Variants in POLR1E observed in about 807,000 individuals in gnomAD.
The protein encoded by POLR1E is RNA polymerase I subunit E.
In POLR1E, 37 loss-of-function variants were observed where a neutral mutation model predicts 50.9. That is an observed-to-expected ratio of 0.73 (90% CI 0.56 to 0.96). The LOEUF (loss-of-function observed/expected upper bound fraction) is 0.96, where lower values mean the gene tolerates loss of function less well. POLR1E is among the 40% of genes least tolerant of loss of function. The pLI, the probability that POLR1E is intolerant of heterozygous loss-of-function variation, is 0.00. For missense variants in POLR1E, 426 were observed against 518.1 expected (o/e 0.82, Z 1.73); for synonymous variants, 166 against 191.6 (o/e 0.87, Z 1.10).
In POLR1E at chr9:37,503,043, G is replaced by A; in HGVS notation, c.1101G>A (p.Arg367=). The change falls in exon 12 of 12, where the codon AGG becomes AGA. Residue 367 remains arginine, a splice_region_variant and synonymous_variant. Coordinates refer to ENST00000377798, the MANE Select transcript of POLR1E (RefSeq NM_022490.4). ...LQRDLKLSEK[R]MMEIAKAMRL... ...GTTCTTCTGTTTATGTCTTCCTTAG[G>A]ATGATGGAGATAGCCAAAGCCATGA... 5 of 1,610,820 alleles carry A rather than the reference G, an allele frequency of 3.1e-6. No homozygotes were observed. The highest frequency in any genetic ancestry group is 2.5e-6 in the Non-Finnish European group (3 of 1,178,500).
intron 11 of POLR1E, among the ~76,000 whole-genome samples, chr9:37,502,337 G>T (rs947319985): frequency 1.3e-5 from 2 of 152,202 alleles, no homozygotes; most frequent in African/African-American, 4.8e-5. Flanking sequence ...CAGATGGAAG[G>T]GTTTGCCAGG....
At position 37,489,462 on chromosome 9, in the gene POLR1E, G is replaced by A; in HGVS notation, c.343+62G>A. On this transcript the variant is annotated intron_variant, in intron 4 of 11. Coordinates refer to ENST00000377798, the MANE Select transcript of POLR1E (RefSeq NM_022490.4). ...ATAGTTTGGGTTTGCTGGATGAGTT[G>A]GCTTGAGTTTTAGATTTATAAAACA... The A allele has an allele frequency of 2.6e-6, 3 of 1,146,620 alleles. No individual in the cohort carries two copies. In the South Asian group the frequency reaches 4.6e-5, roughly 18 times the overall value. 71.0% of individuals were successfully genotyped at this position (1,146,620 alleles called of 1,614,324 possible).
intron 7 of POLR1E, 66 bp downstream of exon 7, chr9:37,495,342 T>A: frequency 7.7e-6 from 10 of 1,294,646 alleles, no homozygotes; most frequent in Non-Finnish European, 1.1e-5. Flanking sequence ...GTGTGTGCAG[T>A]CAGGTTCTCT....
chr9:37,486,410 C>T, intron 1 of POLR1E: 1 of 1,521,528 alleles, frequency 6.6e-7, no homozygotes, highest in South Asian at 1.3e-5. Flanking sequence ...CCTCTCTTCA[C>T]TGGGCAGGGG....
intron 6 of POLR1E, 103 bp from the exon 7 acceptor site, chr9:37,495,065 TG>T: frequency 1.1e-6 from 1 of 944,580 alleles, no homozygotes; most frequent in Non-Finnish European, 1.7e-6. Flanking sequence ...CATTTAGACT[TG>T]GGGTTTCTGG....
intron 8 of POLR1E, 56 bp from the exon 9 acceptor site, chr9:37,498,035 C>G: frequency 6.3e-7 from 1 of 1,578,244 alleles, no homozygotes; most frequent in Non-Finnish European, 8.6e-7. Flanking sequence ...GGAAGTAGTT[C>G]CTGACAGAGC....
At chr9:37,486,145 C>G (rs1167844081) in intron 1 of POLR1E, 22 bp downstream of exon 1, 1 of 1,576,100 alleles carries the variant, frequency 6.3e-7, no homozygotes, top group Admixed American at 1.9e-5. Context: ...GGAGCTGGAG[C>G]AGTGCTCCTC....
chr9:37,487,921 A>G lies in POLR1E; in HGVS notation c.239A>G (p.Lys80Arg). The G allele has an allele frequency of 6.2e-7, 1 of 1,614,166 alleles. No homozygotes were observed. Among genetic ancestry groups the G allele is most frequent in the Non-Finnish European group, 8.5e-7 (1 of 1,180,016 alleles). ...VGNNFGTGAL[K>R]CNTLCRHFVG... ...AACAATTTTGGGACTGGAGCCCTCAAATGCAACACTTTGTGCAGGTAATGG... is the reference window on the plus strand; with the variant it reads ...AACAATTTTGGGACTGGAGCCCTCAGATGCAACACTTTGTGCAGGTAATGG... Residue 80 changes from lysine (K) to arginine (R), a missense_variant, in exon 3 of 12, where the codon AAA (lysine) becomes AGA (arginine). Physicochemically the swap from Lys to Arg is conservative, Grantham distance 26 (BLOSUM62 2). Coordinates refer to ENST00000377798, the MANE Select transcript of POLR1E (RefSeq NM_022490.4).
At chr9:37,494,015 G>A (rs368151938) in intron 6 of POLR1E, among the ~76,000 whole-genome samples, 9 of 152,322 alleles carry the variant, frequency 5.9e-5, no homozygotes, top group East Asian at 1.9e-4. Flanking sequence ...CTCCTTGTGC[G>A]TTGCAGGGAA....
intron 3 of POLR1E, among the ~76,000 whole-genome samples, chr9:37,488,184 C>G (rs772906772): frequency 7.9e-5 from 12 of 152,208 alleles, no homozygotes; most frequent in Non-Finnish European, 1.6e-4. Flanking sequence ...TTATAGCTGT[C>G]TTATTCCAAA....
rs190430559 is a variant in POLR1E at position 37,495,990 on chromosome 9, C to A, written c.752+4C>A. 1.9e-6 allele frequency: 3 copies of A among 1,609,916 alleles called. No individual in the cohort carries two copies. Among genetic ancestry groups the A allele is most frequent in the East Asian group, 2.2e-5 (1 of 44,860 alleles). ...TGAAGATGATTGAGGAGAACAGGTACCCTGACTTAAGCAGATGGGGATTCT... is the reference window on the plus strand; with the variant it reads ...TGAAGATGATTGAGGAGAACAGGTAACCTGACTTAAGCAGATGGGGATTCT... On this transcript the variant is annotated splice_donor_region_variant and intron_variant, in intron 8 of 11. Coordinates refer to ENST00000377798, the MANE Select transcript of POLR1E (RefSeq NM_022490.4).
intron 4 of POLR1E, chr9:37,492,254 C>T: frequency 7.8e-7 from 1 of 1,289,476 alleles, no homozygotes; most frequent in Non-Finnish European, 1.0e-6. Flanking sequence ...GTAAGTACCA[C>T]ATACCTCATG....
At chr9:37,493,745 C>T (rs776777744) in intron 6 of POLR1E, 42 bp downstream of exon 6, 2 of 1,424,618 alleles carry the variant, frequency 1.4e-6, no homozygotes, top group South Asian at 1.7e-5. Context: ...CCCATAATGA[C>T]AGCTTTCTCT....
At chr9:37,496,411 TTTAAATAATTCAGAGA>T (rs2119011281) in intron 8 of POLR1E, among the ~76,000 whole-genome samples, 1 of 152,216 alleles carries the variant, frequency 6.6e-6, no homozygotes, top group Admixed American at 6.5e-5. Flanking sequence ...TATTGTATAT[TTTAAATAATTCAGAGA>T]TTATTTCCTT....
chr9:37,486,020 T>C lies in POLR1E; in HGVS notation c.-28T>C. 6.3e-7 allele frequency: 1 copy of C among 1,588,378 alleles called. No homozygotes were observed. The highest frequency in any genetic ancestry group is 8.6e-7 in the Non-Finnish European group (1 of 1,169,244). On this transcript the variant is annotated 5_prime_UTR_variant, in exon 1 of 12. Transcript: ENST00000377798. ...CGCTTGTGGCTGCTGCTGTCTTAACTCCTGTGCTTGGCGGACAGACAGGCG... is the reference window on the plus strand; with the variant it reads ...CGCTTGTGGCTGCTGCTGTCTTAACCCCTGTGCTTGGCGGACAGACAGGCG...
chr9:37,495,436 T>TG (rs11408322), intron 7 of POLR1E, among the ~76,000 whole-genome samples, 160 bp downstream of exon 7: 9,658 of 152,242 alleles, frequency 0.063, 1,016 homozygotes, highest in African/African-American at 0.22. Flanking sequence ...GAGGTTAACT[T>TG]GGCTTCCTCA....
intron 11 of POLR1E, 64 bp from the exon 12 acceptor site, chr9:37,502,979 C>T (rs968554238): frequency 2.7e-6 from 4 of 1,477,376 alleles, no homozygotes; most frequent in African/African-American, 2.8e-5. Context: ...CTACCTTTTG[C>T]CAAACCTCCC....
At chr9:37,495,355 G>T in intron 7 of POLR1E, 79 bp downstream of exon 7, 1 of 1,167,520 alleles carries the variant, frequency 8.6e-7, no homozygotes, top group Non-Finnish European at 1.3e-6. Context: ...GGTTCTCTGA[G>T]GGTGTCTGTG....
chr9:37,489,033 G>A (rs1454252109), intron 3 of POLR1E, among the ~76,000 whole-genome samples: 2 of 152,148 alleles, frequency 1.3e-5, no homozygotes, highest in Admixed American at 6.5e-5. Context: ...GAGGTCAGGA[G>A]TTCGAGACCA....
Sources: gnomAD v4.1 joint callset for allele counts (sites outside exome capture counted in the v4.1 genomes callset) on GRCh38, gnomAD v4.1.1 for gene constraint, MANE v1.5 for transcripts, NCBI Gene and HGNC (gene_info 2026-07-23, HGNC 2026-07-21) for gene names.